KCNG3: variants seen among roughly 807,000 people sequenced by gnomAD.
KCNG3 encodes the protein voltage-gated potassium channel regulatory subunit KCNG3.
In KCNG3, 15 loss-of-function variants were observed where a neutral mutation model predicts 29.0. That is an observed-to-expected ratio of 0.52 (90% CI 0.35 to 0.80). The LOEUF (loss-of-function observed/expected upper bound fraction) is 0.80. Among genes scored for constraint, KCNG3 ranks in the 30% least tolerant of loss-of-function variants. The pLI, the probability that KCNG3 is intolerant of heterozygous loss-of-function variation, is 0.01. For synonymous variants in KCNG3, 322 were observed against 248.9 expected (o/e 1.29, Z -2.76); for missense variants, 512 against 605.7 (o/e 0.85, Z 1.62).
At chr2:42,466,453 T>C (rs1190293101) in intron 1 of KCNG3, among the ~76,000 whole-genome samples, 2 of 152,130 alleles carry the variant, frequency 1.3e-5, no homozygotes. Flanking sequence ...TACACAAGTA[T>C]TTACCACTGT....
chr2:42,471,897 AAAAAAAGAAAG>A (rs1673299260), intron 1 of KCNG3, among the ~76,000 whole-genome samples: 1 of 151,838 alleles, frequency 6.6e-6, no homozygotes, highest in Non-Finnish European at 1.5e-5. Flanking sequence ...AAAAAAAAAA[AAAAAAAGAAAG>A]AAAAAAGAAA....
chr2:42,395,078 A>G, the KCNG3 span, among the ~76,000 whole-genome samples: 1 of 152,184 alleles, frequency 6.6e-6, no homozygotes, highest in Non-Finnish European at 1.5e-5. Context: ...TAAATCAAAG[A>G]ATAACTGAAG....
At chr2:42,452,415 T>A (rs75360321) in intron 1 of KCNG3, among the ~76,000 whole-genome samples, 12,435 of 151,694 alleles carry the variant, frequency 0.082, 574 homozygotes, top group South Asian at 0.21. Context: ...GATTAAATTA[T>A]TTTTTTACTA....
At chr2:42,441,481 G>A (rs995215571), downstream of KCNG3, among the ~76,000 whole-genome samples, 2 of 152,108 alleles carry the variant, frequency 1.3e-5, no homozygotes, top group African/African-American at 4.8e-5. Flanking sequence ...CAACATCCAT[G>A]AAGACAAAAC....
At chr2:42,481,091 C>T (rs1432000642) in intron 1 of KCNG3, among the ~76,000 whole-genome samples, 2 of 152,110 alleles carry the variant, frequency 1.3e-5, no homozygotes, top group African/African-American at 4.8e-5. Flanking sequence ...AAAATCCATT[C>T]TTACTTAGTT....
intron 1 of KCNG3, among the ~76,000 whole-genome samples, chr2:42,471,574 T>C (rs192718782): frequency 6.6e-6 from 1 of 152,330 alleles, no homozygotes; most frequent in Non-Finnish European, 1.5e-5. Flanking sequence ...ATGATAGTTG[T>C]ACAATGTAGT....
chr2:42,492,226 G>C (rs769092557), intron 1 of KCNG3, among the ~76,000 whole-genome samples: 4 of 152,108 alleles, frequency 2.6e-5, no homozygotes, highest in Admixed American at 6.5e-5. Flanking sequence ...GCTACCAAAC[G>C]GTGGACAAGA....
intron 1 of KCNG3, among the ~76,000 whole-genome samples, chr2:42,471,053 G>T (rs1673272182): frequency 6.6e-6 from 1 of 151,902 alleles, no homozygotes; most frequent in African/African-American, 2.4e-5. Context: ...TTGGAAAGCT[G>T]AGGGTAGAGG....
rs563298933 is a variant in KCNG3 at position 42,455,914 on chromosome 2, T to A, written c.666-11335A>T. Among the ~76,000 whole-genome samples, 16 of 149,828 alleles carry A rather than the reference T, an allele frequency of 1.1e-4. No individual in the cohort carries two copies. The South Asian group carries it at 1.2e-3, about 12-fold the overall frequency. On this transcript the variant is annotated intron_variant, in intron 1 of 1. Coordinates refer to ENST00000306078, the MANE Select transcript of KCNG3 (RefSeq NM_133329.6). Reference sequence around the variant, plus strand: ...AAAACCACCTAAAATAATAATTATATACATATAGTTATTATATACCTATAA... The same window carrying A: ...AAAACCACCTAAAATAATAATTATAAACATATAGTTATTATATACCTATAA...
the KCNG3 span, among the ~76,000 whole-genome samples, chr2:42,400,815 C>A: frequency 2.6e-5 from 4 of 151,532 alleles, no homozygotes; most frequent in Non-Finnish European, 4.4e-5. Flanking sequence ...ATTTTTGTTA[C>A]AGCAACCAAC....
the KCNG3 span, among the ~76,000 whole-genome samples, chr2:42,425,392 C>T: frequency 1.5e-5 from 2 of 135,006 alleles, no homozygotes; most frequent in African/African-American, 6.0e-5. Flanking sequence ...GAGCAAGACT[C>T]CGTCTCAAAA....
the KCNG3 span, among the ~76,000 whole-genome samples, chr2:42,409,471 A>C: frequency 3.3e-5 from 5 of 152,112 alleles, no homozygotes; most frequent in African/African-American, 1.2e-4. Context: ...TGGGAGGCTG[A>C]GGCATGAGGA....
Position 42,443,800 on chromosome 2 carries a change from C to G in KCNG3, c.*134G>C. On this transcript the variant is annotated 3_prime_UTR_variant, in exon 2 of 2. Transcript: ENST00000306078. Reference sequence around the variant, plus strand: ...CAAGTAAACTGTTTTATCCCTTCGGCTGGGAAGGATAATTTTTACCCTACC... The same window carrying G: ...CAAGTAAACTGTTTTATCCCTTCGGGTGGGAAGGATAATTTTTACCCTACC... 2.5e-6 allele frequency: 2 copies of G among 792,790 alleles called. No individual in the cohort carries two copies. Among genetic ancestry groups the G allele is most frequent in the Admixed American group, 2.8e-5 (1 of 35,440 alleles). 49.1% of individuals were successfully genotyped at this position (792,790 alleles called of 1,614,324 possible).
the KCNG3 span, among the ~76,000 whole-genome samples, chr2:42,402,553 C>G: frequency 6.6e-6 from 1 of 152,144 alleles, no homozygotes. Context: ...TGTTTTTTCA[C>G]GCACAGATGT....
chr2:42,419,441 C>T, the KCNG3 span, among the ~76,000 whole-genome samples: 1 of 151,636 alleles, frequency 6.6e-6, no homozygotes, highest in African/African-American at 2.4e-5. Flanking sequence ...GGGGTTTCGC[C>T]ATGTTGGTCA....
At chr2:42,400,358 A>G in the KCNG3 span, among the ~76,000 whole-genome samples, 1 of 152,144 alleles carries the variant, frequency 6.6e-6, no homozygotes, top group African/African-American at 2.4e-5. Context: ...ACAACAAAAC[A>G]TGCTTTAAAC....
At position 42,493,059 on chromosome 2, in the gene KCNG3, G is replaced by A. The variant is rs1313210666; in HGVS notation, c.443C>T (p.Ala148Val). 7 of 1,527,442 alleles carry A rather than the reference G, an allele frequency of 4.6e-6. No individual in the cohort carries two copies. The highest frequency in any genetic ancestry group is 5.3e-6 in the Non-Finnish European group (6 of 1,141,916). The allele number at this position is 1,527,442 out of a possible 1,614,324, so 94.6% of individuals were successfully genotyped here. A position where few individuals can be genotyped will look rare whatever the true frequency, so the allele number is the denominator to read the frequency against. Residue 148 changes from alanine (A) to valine (V), a missense_variant, in exon 1 of 2, where the codon GCT (alanine) becomes GTT (valine). Around this residue, in one of 5 missense-constraint regions of KCNG3, gnomAD observed 228 missense variants for 200.0 expected, o/e 1.14. Coordinates refer to ENST00000306078, the MANE Select transcript of KCNG3 (RefSeq NM_133329.6). ...DEARPGGAEAAPSRRWLERMR... is the reference protein window; with the variant it reads ...DEARPGGAEAVPSRRWLERMR... ...GCGCTCCAGCCAGCGCCTGGAGGGA[G>A]CCGCCTCGGCCCCGCCGGGGCGCGC...
downstream of KCNG3, among the ~76,000 whole-genome samples, chr2:42,441,192 G>T (rs1383979877): frequency 2.0e-5 from 3 of 151,928 alleles, no homozygotes; most frequent in Non-Finnish European, 2.9e-5. Flanking sequence ...GCAAGCCTGG[G>T]CAACACAGTG....
chr2:42,493,399 C>T lies in KCNG3; in HGVS notation c.103G>A (p.Val35Met). Residue 35 changes from valine to methionine, a missense_variant, in exon 1 of 2, where the codon GTG becomes ATG. Physicochemically the swap from Val to Met is conservative, Grantham distance 21. Transcript: ENST00000306078. ...ELLKDFPLRR[V>M]SRLHGCRSER... ...GAGCGGCAGCCGTGCAGCCGGCTCA[C>T]GCGGCGCAGCGGGAAGTCCTTCAGC... The T allele has an allele frequency of 6.6e-7, 1 of 1,519,052 alleles. No homozygotes were observed. The highest frequency in any genetic ancestry group is 1.3e-5 in the South Asian group (1 of 77,542). 94.1% of individuals were successfully genotyped at this position (1,519,052 alleles called of 1,614,324 possible).
Sources: allele counts gnomAD v4.1 joint callset (sites outside exome capture counted in the v4.1 genomes callset), GRCh38; gene constraint gnomAD v4.1.1; regional missense constraint gnomAD v4.1.1; transcripts MANE v1.5; gene names NCBI Gene and HGNC (gene_info 2026-07-23, HGNC 2026-07-21).